CRTC1: variants seen among roughly 807,000 people sequenced by gnomAD.
The protein encoded by CRTC1 is CREB regulated transcription coactivator 1.
CRTC1 carries 18 observed loss-of-function variants against 66.1 expected under a neutral mutation model. The observed-to-expected ratio is 0.27, with a 90% CI of 0.19 to 0.40. The LOEUF (loss-of-function observed/expected upper bound fraction) is 0.40, where lower values mean the gene tolerates loss of function less well. CRTC1 is among the 10% of genes least tolerant of loss of function. CRTC1 has a pLI of 1.00. For missense variants in CRTC1, 669 were observed against 887.9 expected, an observed-to-expected ratio of 0.75 and a Z score of 3.13; for synonymous variants, 416 against 398.8, an observed-to-expected ratio of 1.04 and a Z score of -0.51.
intron 1 of CRTC1, among the ~76,000 whole-genome samples, chr19:18,685,920 A>G (rs2052674717): frequency 6.6e-6 from 1 of 152,216 alleles, no homozygotes; most frequent in African/African-American, 2.4e-5. Flanking sequence ...ACATCTCTTT[A>G]AAATAATAGC....
chr19:18,720,887 C>G (rs4808153), intron 1 of CRTC1, among the ~76,000 whole-genome samples: 88,115 of 152,028 alleles, frequency 0.58, 26,851 homozygotes, highest in East Asian at 0.9. Context: ...AGTACACTGC[C>G]TGCACACATG....
chr19:18,758,805 G>A (rs1479579523), intron 6 of CRTC1, among the ~76,000 whole-genome samples: 1 of 152,218 alleles, frequency 6.6e-6, no homozygotes, highest in Non-Finnish European at 1.5e-5. Context: ...TCACTCCCTG[G>A]AGACTGGTGG....
In CRTC1 at chr19:18,743,038, G is replaced by T. The variant is rs776924441; in HGVS notation, c.243+12G>T. ...ACCTGCCCTTCCAGGTGAGTGCCCC[G>T]CCCCCTGGCCCTGCCCCATTGTGGG... On this transcript the variant is annotated intron_variant, in intron 2 of 13. Transcript: ENST00000321949. 2 of 1,581,650 alleles carry T rather than the reference G, an allele frequency of 1.3e-6. No individual in the cohort carries two copies. The highest frequency in any genetic ancestry group is 1.7e-6 in the Non-Finnish European group (2 of 1,151,862).
intron 6 of CRTC1, among the ~76,000 whole-genome samples, chr19:18,755,823 G>A (rs745340897): frequency 2.0e-5 from 3 of 151,500 alleles, no homozygotes; most frequent in Non-Finnish European, 2.9e-5. Flanking sequence ...GGCTGGTCTC[G>A]AACTCCTGGG....
In CRTC1 at chr19:18,726,550, T is replaced by C. The variant is rs76072863; in HGVS notation, c.127-16360T>C. Among the ~76,000 whole-genome samples the C allele has an allele frequency of 9.1e-3, 1,387 of 152,274 alleles. 13 individuals are homozygous for C. The highest frequency in any genetic ancestry group is 0.015 in the Non-Finnish European group (1,005 of 68,008). The stretch of plus-strand genomic sequence containing the variant: ...ACCTGTGAGTGAGCTCATTTGGAAA[T>C]AGGGATTTTACAGATGGACTTAAGT... On this transcript the variant is annotated intron_variant, in intron 1 of 13. Coordinates refer to ENST00000321949, the MANE Select transcript of CRTC1 (RefSeq NM_015321.3).
intron 1 of CRTC1, among the ~76,000 whole-genome samples, chr19:18,715,399 C>CCTTCT (rs1347947994): frequency 6.6e-6 from 1 of 152,146 alleles, no homozygotes; most frequent in Non-Finnish European, 1.5e-5. Flanking sequence ...GGCTAATACC[C>CCTTCT]CTTCTCTTCT....
rs1183440652 is a variant in CRTC1 at position 18,781,909 on chromosome 19, C to T, written c.*4527C>T. On this transcript the variant is annotated 3_prime_UTR_variant, in exon 14 of 14. Coordinates refer to ENST00000321949, the MANE Select transcript of CRTC1 (RefSeq NM_015321.3). ...TCTGGAATTTGGGGGCAACCCTTGC[C>T]CAGCCCAGCCATCAAGAACTTCTGA... 4.3e-6 allele frequency: 1 copy of T among 230,806 alleles called. No homozygotes were observed. Among genetic ancestry groups the T allele is most frequent in the East Asian group, 6.1e-5 (1 of 16,328 alleles). The allele number at this position is 230,806 out of a possible 1,614,324, so 14.3% of individuals were successfully genotyped here.
At chr19:18,728,230 T>C (rs1374029617) in intron 1 of CRTC1, among the ~76,000 whole-genome samples, 1 of 152,174 alleles carries the variant, frequency 6.6e-6, no homozygotes, top group Non-Finnish European at 1.5e-5. Context: ...GCACAGAGGT[T>C]GGGAGAATGT....
intron 10 of CRTC1, among the ~76,000 whole-genome samples, chr19:18,770,385 C>T (rs1230446804): frequency 4.6e-5 from 7 of 152,262 alleles, no homozygotes; most frequent in African/African-American, 1.2e-4. Flanking sequence ...ATAGTGACTG[C>T]GCCATGCTGG....
rs372816077 is a variant in CRTC1 at position 18,760,187 on chromosome 19, C to T, written c.845C>T (p.Ala282Val). The change falls in exon 8 of 14, where the codon GCG becomes GTG. Residue 282 changes from alanine to valine, a missense_variant. Coordinates refer to ENST00000321949, the MANE Select transcript of CRTC1 (RefSeq NM_015321.3). The surrounding 1 kb of genome is among the most constrained non-coding windows in gnomAD (Gnocchi z 6.2). Reference protein sequence around the residue: ...LSSSSSTGNLAANLTHLGIGG... With the variant: ...LSSSSSTGNLVANLTHLGIGG... ...AGCTCCAGCAGCACCGGCAACCTCG[C>T]GGCCAACCTGACGCACCTGGGCATC... The T allele has an allele frequency of 2.3e-5, 37 of 1,613,088 alleles. No homozygotes were observed. The Admixed American group carries it at 3.0e-4, about 13-fold the overall frequency.
Position 18,778,924 on chromosome 19 carries a change from G to A in CRTC1, c.*1542G>A, listed in dbSNP as rs2055050792. On this transcript the variant is annotated 3_prime_UTR_variant, in exon 14 of 14. Transcript: ENST00000321949. ...TTGGCAGCTCAGGGTCGTGGCAGGT[G>A]GACTTGGAGACACACAGCAGTGTGT... is the stretch of plus-strand genomic sequence containing the variant. The A allele has an allele frequency of 1.3e-5, 3 of 231,512 alleles. No homozygotes were observed. Among genetic ancestry groups the A allele is most frequent in the African/African-American group, 6.6e-5 (3 of 45,238 alleles). 14.3% of individuals were successfully genotyped at this position (231,512 alleles called of 1,614,324 possible).
At position 18,780,941 on chromosome 19, in the gene CRTC1, C is replaced by T. The variant is rs760537798; in HGVS notation, c.*3559C>T. The T allele has an allele frequency of 3.6e-5, 8 of 222,340 alleles. No homozygotes were observed. The highest frequency in any genetic ancestry group is 9.0e-5 in the African/African-American group (4 of 44,672). 13.8% of individuals were successfully genotyped at this position (222,340 alleles called of 1,614,324 possible). ...CAAACATCCTTCCAAACTCGGGCTG[C>T]GACCTGCTTCCTGAGTTTTCTGTAT... is the stretch of plus-strand genomic sequence containing the variant. On this transcript the variant is annotated 3_prime_UTR_variant, in exon 14 of 14. Coordinates refer to ENST00000321949, the MANE Select transcript of CRTC1 (RefSeq NM_015321.3).
At chr19:18,733,771 T>C (rs1171084900) in intron 1 of CRTC1, among the ~76,000 whole-genome samples, 2 of 152,210 alleles carry the variant, frequency 1.3e-5, no homozygotes, top group Non-Finnish European at 2.9e-5. Context: ...GAACTCAGAA[T>C]GGGCCAAAGA....
At chr19:18,712,830 T>C (rs952338064) in intron 1 of CRTC1, among the ~76,000 whole-genome samples, 3 of 151,982 alleles carry the variant, frequency 2.0e-5, no homozygotes, top group African/African-American at 7.2e-5. Context: ...CATGGTGGCA[T>C]ACGGCTGTAA....
intron 1 of CRTC1, among the ~76,000 whole-genome samples, chr19:18,726,670 G>A (rs927002131): frequency 6.6e-6 from 1 of 152,204 alleles, no homozygotes; most frequent in African/African-American, 2.4e-5. Flanking sequence ...GCCCACTCCT[G>A]TAATCCCTGT....
At chr19:18,724,059 T>C (rs1192144202) in intron 1 of CRTC1, among the ~76,000 whole-genome samples, 2 of 152,240 alleles carry the variant, frequency 1.3e-5, no homozygotes, top group Admixed American at 6.5e-5. Flanking sequence ...ATCCCACATA[T>C]GTGGTCATGG....
In CRTC1 at chr19:18,762,510, G is replaced by C. The variant is rs573242630; in HGVS notation, c.886+2282G>C. Reference sequence around the variant, plus strand: ...GAGCTCCCTCAGGAAGGAAGACAGAGGCCTTCGCGGCCGAGGAGACAGTAC... The same window carrying C: ...GAGCTCCCTCAGGAAGGAAGACAGACGCCTTCGCGGCCGAGGAGACAGTAC... On this transcript the variant is annotated intron_variant, in intron 8 of 13. Coordinates refer to ENST00000321949, the MANE Select transcript of CRTC1 (RefSeq NM_015321.3). 2.5e-3 allele frequency among the ~76,000 whole-genome samples: 385 copies of C among 152,352 alleles called. 1 individual carries two copies. The highest frequency in any genetic ancestry group is 0.017 in the Middle Eastern group (5 of 292).
intron 1 of CRTC1, among the ~76,000 whole-genome samples, chr19:18,700,663 C>T (rs1032241136): frequency 2.6e-5 from 4 of 152,164 alleles, no homozygotes; most frequent in African/African-American, 9.7e-5. Context: ...GGTCATTCGC[C>T]CGGAAATCTC....
intron 1 of CRTC1, among the ~76,000 whole-genome samples, chr19:18,694,501 C>T (rs925916353): frequency 1.1e-4 from 17 of 152,070 alleles, no homozygotes; most frequent in African/African-American, 3.1e-4. Flanking sequence ...AGAGATCATG[C>T]GGTCCACTGT....
Sources: allele counts gnomAD v4.1 joint callset (sites outside exome capture counted in the v4.1 genomes callset), GRCh38; gene constraint gnomAD v4.1.1; non-coding constraint Gnocchi (gnomAD v3.1); transcripts MANE v1.5; gene names NCBI Gene and HGNC (gene_info 2026-07-23, HGNC 2026-07-21).